Variants in SEMA3D observed in about 807,000 individuals in gnomAD.
SEMA3D encodes semaphorin 3D.
In SEMA3D, 84 loss-of-function variants were observed where a neutral mutation model predicts 100.1. That is an observed-to-expected ratio of 0.84 (90% CI 0.70 to 1.01). SEMA3D has a LOEUF of 1.01. Ranked by LOEUF, SEMA3D falls within the 50% of genes least tolerant of loss-of-function variation. The pLI is 0.00. For synonymous variants in SEMA3D, 312 were observed against 320.7 expected, an observed-to-expected ratio of 0.97 and a Z score of 0.29; for missense variants, 875 against 934.1, an observed-to-expected ratio of 0.94 and a Z score of 0.82.
intron 10 of SEMA3D, 91 bp from the exon 11 acceptor site, chr7:85,040,833 AAC>A (rs1389936382): frequency 3.0e-6 from 2 of 670,110 alleles, no homozygotes; most frequent in South Asian, 1.7e-5. Context: ...TGAAAATCTA[AAC>A]AGTTTATACG....
At position 85,043,452 on chromosome 7, in the gene SEMA3D, A is replaced by C. The variant is rs532704672; in HGVS notation, c.862-1167T>G. Among the ~76,000 whole-genome samples the C allele has an allele frequency of 2.1e-3, 327 of 152,322 alleles. 2 individuals carry two copies. Among genetic ancestry groups the C allele is most frequent in the South Asian group, 0.01 (50 of 4,828 alleles). ...TTTTACTCTGAAATGGTTCATTAAA[A>C]ATGTTCTTTAAGCATTTAGTAAAAC... On this transcript the variant is annotated intron_variant, in intron 9 of 18. Coordinates refer to ENST00000284136, the MANE Select transcript of SEMA3D (RefSeq NM_001384900.1).
chr7:85,085,681 G>A (rs1479453963), intron 4 of SEMA3D, among the ~76,000 whole-genome samples: 2 of 152,106 alleles, frequency 1.3e-5, no homozygotes, highest in Non-Finnish European at 2.9e-5. Context: ...GAGCACTGTG[G>A]AGCGCTTACT....
chr7:85,185,047 A>T (rs1022964143), intron 1 of SEMA3D, among the ~76,000 whole-genome samples: 69 of 152,230 alleles, frequency 4.5e-4, no homozygotes, highest in African/African-American at 1.6e-3. Flanking sequence ...CCTCCTTGCT[A>T]TCTGGCCTCA....
intron 12 of SEMA3D, among the ~76,000 whole-genome samples, chr7:85,034,619 C>CAA (rs796086519): frequency 1.7e-4 from 26 of 151,860 alleles, no homozygotes; most frequent in African/African-American, 6.0e-4. Context: ...AAACAAAAAA[C>CAA]AAAACAAAAC....
the SEMA3D span, among the ~76,000 whole-genome samples, chr7:85,241,467 G>GTGTATATATATATATATATA: frequency 2.2e-3 from 201 of 91,836 alleles, 6 homozygotes; most frequent in African/African-American, 8.1e-3. Flanking sequence ...CTGTGTGTGT[G>GTGTATATATATATATATATA]TATATATATA....
chr7:85,206,246 C>A, the SEMA3D span, among the ~76,000 whole-genome samples: 1 of 151,928 alleles, frequency 6.6e-6, no homozygotes, highest in Non-Finnish European at 1.5e-5. Flanking sequence ...TTCCTTCTCC[C>A]TTCTATTCTC....
At chr7:85,108,114 T>C (rs1788985581) in intron 3 of SEMA3D, among the ~76,000 whole-genome samples, 1 of 152,138 alleles carries the variant, frequency 6.6e-6, no homozygotes, top group African/African-American at 2.4e-5. Context: ...TTTGGTTTTA[T>C]TTATACTATG....
chr7:85,095,129 T>G (rs1788511683), intron 4 of SEMA3D, among the ~76,000 whole-genome samples: 2 of 152,030 alleles, frequency 1.3e-5, no homozygotes, highest in African/African-American at 4.8e-5. Context: ...ATTTACTAAT[T>G]ATATACCTGC....
intron 2 of SEMA3D, among the ~76,000 whole-genome samples, chr7:85,147,156 G>A (rs746007135): frequency 7.7e-6 from 1 of 129,382 alleles, no homozygotes; most frequent in Non-Finnish European, 1.5e-5. Flanking sequence ...AGGCTGGAGT[G>A]CAATGGCACA....
chr7:85,176,186 C>G (rs1455415794), intron 1 of SEMA3D, among the ~76,000 whole-genome samples: 1 of 152,078 alleles, frequency 6.6e-6, no homozygotes, highest in Non-Finnish European at 1.5e-5. Flanking sequence ...CTTCATCCCT[C>G]TATTGGATTG....
intron 12 of SEMA3D, among the ~76,000 whole-genome samples, chr7:85,024,110 A>G (rs749417687): frequency 6.6e-6 from 1 of 151,948 alleles, no homozygotes; most frequent in Non-Finnish European, 1.5e-5. Flanking sequence ...GAATCCGTCA[A>G]CTCAATAATG....
intron 2 of SEMA3D, among the ~76,000 whole-genome samples, chr7:85,125,827 TG>T (rs1789552508): frequency 6.6e-6 from 1 of 151,314 alleles, no homozygotes; most frequent in Non-Finnish European, 1.5e-5. Context: ...GTGTGTGTGT[TG>T]TGCATCTGGG....
Position 85,094,578 on chromosome 7 carries a change from T to A in SEMA3D, c.312+3227A>T, listed in dbSNP as rs140736129. Among the ~76,000 whole-genome samples the A allele has an allele frequency of 1.4e-4, 21 of 152,052 alleles. No homozygotes were observed. The East Asian group carries it at 4.1e-3, about 30-fold the overall frequency. On this transcript the variant is annotated intron_variant, in intron 4 of 18. Coordinates refer to ENST00000284136, the MANE Select transcript of SEMA3D (RefSeq NM_001384900.1). ...AGAACACTCACTTATGAGCTAATCT[T>A]CATCTCAGAGTTGGCTTCTGGAGAA...
intron 2 of SEMA3D, among the ~76,000 whole-genome samples, chr7:85,132,447 T>C (rs1300377301): frequency 6.6e-6 from 1 of 151,900 alleles, no homozygotes; most frequent in Non-Finnish European, 1.5e-5. Flanking sequence ...GTAACAGTTT[T>C]CAAAATTACT....
chr7:85,020,008 G>A (rs1277866978), intron 14 of SEMA3D, among the ~76,000 whole-genome samples: 1 of 151,558 alleles, frequency 6.6e-6, no homozygotes, highest in African/African-American at 2.4e-5. Flanking sequence ...GTAATGAGAG[G>A]CAATCCCGGG....
chr7:85,079,320 C>T (rs1222745252), intron 5 of SEMA3D, among the ~76,000 whole-genome samples: 5 of 151,996 alleles, frequency 3.3e-5, no homozygotes, highest in East Asian at 1.9e-4. Flanking sequence ...TTATTTTAAA[C>T]GAACAAGTTA....
intron 9 of SEMA3D, among the ~76,000 whole-genome samples, chr7:85,043,009 T>A (rs1391891192): frequency 6.6e-6 from 1 of 152,160 alleles, no homozygotes; most frequent in African/African-American, 2.4e-5. Context: ...GGCTTAAAAG[T>A]CTTTTCCAAA....
At chr7:85,107,320 C>T (rs896470083) in intron 3 of SEMA3D, among the ~76,000 whole-genome samples, 1 of 152,056 alleles carries the variant, frequency 6.6e-6, no homozygotes, top group Non-Finnish European at 1.5e-5. Flanking sequence ...GCCCAAGGAG[C>T]ATCATCTGGT....
At chr7:85,197,166 G>A in the SEMA3D span, among the ~76,000 whole-genome samples, 1 of 152,104 alleles carries the variant, frequency 6.6e-6, no homozygotes, top group African/African-American at 2.4e-5. Flanking sequence ...CTTTGTGGGG[G>A]AAAATTTGCA....
Sources: gnomAD v4.1 joint callset for allele counts (sites outside exome capture counted in the v4.1 genomes callset) on GRCh38, gnomAD v4.1.1 for gene constraint, MANE v1.5 for transcripts, NCBI Gene and HGNC (gene_info 2026-07-23, HGNC 2026-07-21) for gene names.